The following IQSEC1 variants were observed in gnomAD, a reference collection of about 807,000 sequenced individuals.
IQSEC1 encodes IQ motif and Sec7 domain ArfGEF 1, also known as IQ motif and SEC7 domain-containing protein 1.
A neutral mutation model predicts 91.0 loss-of-function variants in IQSEC1; 31 were observed. The ratio of observed to expected loss-of-function variants is 0.34; its 90% CI spans 0.26 to 0.46. IQSEC1 has a LOEUF of 0.46. Ranked by LOEUF, IQSEC1 falls within the 20% of genes least tolerant of loss-of-function variation. IQSEC1 has a pLI of 1.00. For missense variants in IQSEC1, 1,388 were observed against 1,575.6 expected, an observed-to-expected ratio of 0.88 and a Z score of 2.02; for synonymous variants, 699 against 662.6, an observed-to-expected ratio of 1.05 and a Z score of -0.84.
At chr3:13,225,100 C>T (rs1694728853) in intron 1 of IQSEC1, among the ~76,000 whole-genome samples, 1 of 152,270 alleles carries the variant, frequency 6.6e-6, no homozygotes, top group African/African-American at 2.4e-5. Flanking sequence ...ATCAAATTCT[C>T]ATGCAGGGCA....
rs566809286 is a variant in IQSEC1, at chr3:13,164,061, G to A, written c.302+43C>T. ...CATGGTTTCATCAACGCCGCTCACC[G>A]CCAGGATTCAGACACACGGACAGAG... On this transcript the variant is annotated intron_variant, in intron 2 of 15. Transcript: ENST00000648114. Among the ~76,000 whole-genome samples the A allele has an allele frequency of 3.3e-5, 5 of 152,306 alleles. No homozygotes were observed. The East Asian group carries it at 5.8e-4, about 18-fold the overall frequency.
intron 3 of IQSEC1, among the ~76,000 whole-genome samples, chr3:12,934,525 C>T (rs1330776164): frequency 6.6e-6 from 1 of 152,156 alleles, no homozygotes; most frequent in African/African-American, 2.4e-5. Context: ...CCTGGGAAAA[C>T]TGTCGTCTGC....
intron 2 of IQSEC1, among the ~76,000 whole-genome samples, chr3:13,161,196 C>T (rs1457982748): frequency 6.6e-6 from 1 of 152,034 alleles, no homozygotes; most frequent in African/African-American, 2.4e-5. Context: ...GCTGGAGGTG[C>T]GCATGGGAAG....
At chr3:13,050,494 C>T (rs527528494) in intron 1 of IQSEC1, among the ~76,000 whole-genome samples, 4 of 152,302 alleles carry the variant, frequency 2.6e-5, no homozygotes, top group South Asian at 2.1e-4. Context: ...AACCAGAAAA[C>T]GCCATTGCAT....
chr3:13,182,384 G>A (rs1576285874), intron 1 of IQSEC1, among the ~76,000 whole-genome samples: 2 of 152,174 alleles, frequency 1.3e-5, no homozygotes, highest in East Asian at 3.8e-4. Context: ...ACAATGACTT[G>A]TCCAAGGATA....
intron 1 of IQSEC1, among the ~76,000 whole-genome samples, chr3:13,224,921 C>T (rs73134178): frequency 0.025 from 3,764 of 152,348 alleles, 88 homozygotes; most frequent in African/African-American, 0.068. Flanking sequence ...GGGGACGTGT[C>T]CAGCACAGAG....
intron 1 of IQSEC1, among the ~76,000 whole-genome samples, chr3:13,046,007 G>C (rs941884361): frequency 4.6e-5 from 7 of 152,370 alleles, no homozygotes; most frequent in African/African-American, 1.7e-4. Flanking sequence ...TGGAGTCTGT[G>C]TGTATACGTG....
In IQSEC1 at chr3:13,214,174, T is replaced by C. The variant is rs1350727055; in HGVS notation, c.273-50041A>G. On this transcript the variant is annotated intron_variant, in intron 1 of 15. Transcript: ENST00000648114. This position sits in a 1 kb window ranked among gnomAD's most constrained non-coding sequence, Gnocchi z 4.5. ...CCCTCCTGCCAAAGGGTCCCAACCC[T>C]TAACGCGACGAACCCCTCTCTTACC... Among the ~76,000 whole-genome samples, 3 of 152,314 alleles carry C rather than the reference T, an allele frequency of 2.0e-5. No individual in the cohort carries two copies. The highest frequency in any genetic ancestry group is 4.8e-5 in the African/African-American group (2 of 41,572).
Position 13,214,863 on chromosome 3 carries a change from C to T in IQSEC1, c.273-50730G>A, listed in dbSNP as rs1341108763. ...AGGTCCCAGTGTTTGCAGCTGAGCG[C>T]CAGGACCGACGTCGGGCTCTGCTGA... On this transcript the variant is annotated intron_variant, in intron 1 of 15. Coordinates refer to the IQSEC1 transcript ENST00000648114. The surrounding 1 kb of genome is among the most constrained non-coding windows in gnomAD (Gnocchi z 4.5). 1.3e-5 allele frequency among the ~76,000 whole-genome samples: 2 copies of T among 152,222 alleles called. No homozygotes were observed. Among genetic ancestry groups the T allele is most frequent in the African/African-American group, 4.8e-5 (2 of 41,454 alleles).
chr3:13,054,864 C>T (rs73016598), intron 1 of IQSEC1, among the ~76,000 whole-genome samples: 266 of 152,348 alleles, frequency 1.7e-3, no homozygotes, highest in Middle Eastern at 3.4e-3. Flanking sequence ...CACATGACCC[C>T]GCCTGAGCCT....
At chr3:13,065,132 G>A (rs1440218128) in intron 1 of IQSEC1, among the ~76,000 whole-genome samples, 1 of 152,250 alleles carries the variant, frequency 6.6e-6, no homozygotes, top group Admixed American at 6.5e-5. Context: ...CATGGAAGGA[G>A]ACCACCACCT....
intron 1 of IQSEC1, among the ~76,000 whole-genome samples, chr3:13,243,184 G>A (rs1408857895): frequency 6.6e-6 from 1 of 152,170 alleles, no homozygotes; most frequent in Non-Finnish European, 1.5e-5. Flanking sequence ...TGCTTGGCCA[G>A]GCCCACAGCC....
chr3:13,188,779 A>T (rs961811586), intron 1 of IQSEC1, among the ~76,000 whole-genome samples: 1 of 152,242 alleles, frequency 6.6e-6, no homozygotes, highest in Non-Finnish European at 1.5e-5. Context: ...CACAGGAAAA[A>T]GCCAACTAGA....
At chr3:12,948,611 G>T (rs542173302) in intron 1 of IQSEC1, among the ~76,000 whole-genome samples, 2 of 152,348 alleles carry the variant, frequency 1.3e-5, no homozygotes, top group South Asian at 4.1e-4. Flanking sequence ...ATGAAGTAAT[G>T]AATGACTTTT....
rs560067893 is a variant in IQSEC1 at position 13,172,245 on chromosome 3, G to A, written c.273-8112C>T. 5.9e-5 allele frequency among the ~76,000 whole-genome samples: 9 copies of A among 152,368 alleles called. No homozygotes were observed. In the East Asian group the frequency reaches 1.3e-3, roughly 23 times the overall value. On this transcript the variant is annotated intron_variant, in intron 1 of 15. Transcript: ENST00000648114. ...CTAAGGCCTCCATCCTGCCATGGTT[G>A]GGGGAGGTTTGCGGCTGGGGAGTAG...
intron 2 of IQSEC1, among the ~76,000 whole-genome samples, chr3:13,146,931 C>A (rs1706907718): frequency 6.6e-6 from 1 of 152,202 alleles, no homozygotes; most frequent in Admixed American, 6.5e-5. Context: ...AGGGCCAGCC[C>A]AGCCCTCTAG....
chr3:12,941,179 C>A (rs1698713396), intron 2 of IQSEC1, among the ~76,000 whole-genome samples: 1 of 152,216 alleles, frequency 6.6e-6, no homozygotes, highest in Non-Finnish European at 1.5e-5. Context: ...TCTTTAGAAC[C>A]TCAGTGGCCG....
intron 1 of IQSEC1, among the ~76,000 whole-genome samples, chr3:13,191,964 T>A (rs920873346): frequency 6.6e-6 from 1 of 152,192 alleles, no homozygotes; most frequent in African/African-American, 2.4e-5. Flanking sequence ...CAGTTATGGG[T>A]TCCATGGTGT....
At chr3:13,116,579 C>G (rs1437163141) in intron 2 of IQSEC1, among the ~76,000 whole-genome samples, 3 of 152,116 alleles carry the variant, frequency 2.0e-5, no homozygotes, top group Non-Finnish European at 2.9e-5. Flanking sequence ...AAGAATGAAG[C>G]TGGACCCTTC....
Sources: allele counts gnomAD v4.1 joint callset (sites outside exome capture counted in the v4.1 genomes callset), GRCh38; gene constraint gnomAD v4.1.1; non-coding constraint Gnocchi (gnomAD v3.1); transcripts MANE v1.5; gene names NCBI Gene and HGNC (gene_info 2026-07-23, HGNC 2026-07-21).